The following EYS variants were observed in gnomAD, a reference collection of about 807,000 sequenced individuals.
The protein encoded by EYS is protein eyes shut homolog.
In EYS, 250 loss-of-function variants were observed where a neutral mutation model predicts 282.1. That is an observed-to-expected ratio of 0.89 (90% confidence interval 0.80 to 0.98). EYS has a LOEUF of 0.98. EYS is among the 50% of genes least tolerant of loss of function. The probability of loss-of-function intolerance (pLI) is 0.00; values close to 1 mark genes in which losing one functional copy is unlikely to be tolerated. For synonymous variants in EYS, 1,355 were observed against 1,282.9 expected (o/e 1.06, Z -1.20); for missense variants, 4,016 against 3,709.0 (o/e 1.08, Z -2.15).
chr6:65,217,489 T>C (rs1766345785), intron 12 of EYS, among the ~76,000 whole-genome samples: 1 of 152,044 alleles, frequency 6.6e-6, no homozygotes, highest in Non-Finnish European at 1.5e-5. Flanking sequence ...TAAATATTTG[T>C]CAAACACTCT....
chr6:64,499,203 G>A (rs914415031), intron 26 of EYS, among the ~76,000 whole-genome samples: 2 of 152,100 alleles, frequency 1.3e-5, no homozygotes, highest in Non-Finnish European at 2.9e-5. Flanking sequence ...AATAAGCATA[G>A]AAGATAAGGA....
chr6:63,827,866 A>AAAAAAAT (rs1554175916), intron 36 of EYS, among the ~76,000 whole-genome samples: 131 of 148,498 alleles, frequency 8.8e-4, no homozygotes, highest in African/African-American at 2.9e-3. Flanking sequence ...AAAAAAAAAA[A>AAAAAAAT]AAAAAGAAAT....
intron 18 of EYS, among the ~76,000 whole-genome samples, chr6:64,889,109 A>C (rs1767193653): frequency 6.6e-6 from 1 of 152,006 alleles, no homozygotes; most frequent in South Asian, 2.1e-4. Flanking sequence ...GATTTATGAT[A>C]ATCACCACCA....
intron 36 of EYS, among the ~76,000 whole-genome samples, chr6:63,829,131 A>T (rs1306827354): frequency 6.6e-6 from 1 of 152,198 alleles, no homozygotes; most frequent in Non-Finnish European, 1.5e-5. Flanking sequence ...GCCAAATAGG[A>T]ACAGCTCCAG....
At chr6:63,915,095 G>C (rs749663599) in intron 35 of EYS, among the ~76,000 whole-genome samples, 1 of 152,118 alleles carries the variant, frequency 6.6e-6, no homozygotes, top group Non-Finnish European at 1.5e-5. Context: ...TTGAAAGAAG[G>C]TGCCATCTAG....
chr6:64,809,056 T>A (rs1764517296), intron 22 of EYS, among the ~76,000 whole-genome samples: 1 of 152,090 alleles, frequency 6.6e-6, no homozygotes, highest in Non-Finnish European at 1.5e-5. Flanking sequence ...TGCCCAGACA[T>A]TTAATGGTGC....
At chr6:64,646,834 C>T (rs1477219988) in intron 22 of EYS, among the ~76,000 whole-genome samples, 1 of 151,282 alleles carries the variant, frequency 6.6e-6, no homozygotes, top group African/African-American at 2.4e-5. Flanking sequence ...GAAAATTCTT[C>T]ATAAATGTTG....
At chr6:65,001,472 G>A (rs1771465848) in intron 13 of EYS, among the ~76,000 whole-genome samples, 1 of 147,740 alleles carries the variant, frequency 6.8e-6, no homozygotes, top group African/African-American at 2.4e-5. Context: ...TGGTCTGCCT[G>A]TCTTACCTCT....
rs570338427 is a variant in EYS at position 65,618,238 on chromosome 6, C to T, written c.-333+21540G>A. ...TGTTGTTTCCTGAATTTTTAATGAT[C>T]GCCATTCTAACTGGTGTGAGATGGT... On this transcript the variant is annotated intron_variant, in intron 2 of 42. Transcript: ENST00000503581. Among the ~76,000 whole-genome samples, 65 of 152,302 alleles carry T rather than the reference C, an allele frequency of 4.3e-4. 1 individual carries two copies. Among genetic ancestry groups the T allele is most frequent in the African/African-American group, 1.1e-3 (47 of 41,566 alleles).
chr6:64,220,764 A>G (rs549448237), intron 31 of EYS, among the ~76,000 whole-genome samples: 1 of 152,278 alleles, frequency 6.6e-6, no homozygotes, highest in South Asian at 2.1e-4. Context: ...TATTCATATA[A>G]TAAGTTTGAA....
intron 35 of EYS, among the ~76,000 whole-genome samples, chr6:63,926,370 T>C (rs1018616900): frequency 2.6e-5 from 4 of 152,208 alleles, no homozygotes; most frequent in Non-Finnish European, 5.9e-5. Flanking sequence ...GCATTGTTAT[T>C]TTCTGTGTAG....
intron 36 of EYS, among the ~76,000 whole-genome samples, chr6:63,833,237 A>C (rs61122265): frequency 1.2e-3 from 185 of 152,278 alleles, no homozygotes; most frequent in African/African-American, 4.2e-3. Context: ...CAAGAGAAAG[A>C]AATGAAGTGT....
At chr6:65,445,847 A>G (rs934141860) in intron 5 of EYS, among the ~76,000 whole-genome samples, 2 of 151,788 alleles carry the variant, frequency 1.3e-5, no homozygotes, top group Non-Finnish European at 3.0e-5. Context: ...TATGTACTGA[A>G]TGTTTAAATT....
At chr6:65,042,417 T>A (rs1201052675) in intron 13 of EYS, among the ~76,000 whole-genome samples, 1 of 151,610 alleles carries the variant, frequency 6.6e-6, no homozygotes, top group East Asian at 1.9e-4. Context: ...TGGCCTATTG[T>A]TTTTTGTTGT....
At chr6:64,635,526 G>A (rs1212670118) in intron 22 of EYS, among the ~76,000 whole-genome samples, 1 of 152,136 alleles carries the variant, frequency 6.6e-6, no homozygotes, top group Non-Finnish European at 1.5e-5. Flanking sequence ...AGAGTTTTTA[G>A]CATGAAGTAG....
At chr6:65,062,315 C>G (rs1457853603) in intron 12 of EYS, among the ~76,000 whole-genome samples, 5 of 151,946 alleles carry the variant, frequency 3.3e-5, no homozygotes, top group African/African-American at 1.2e-4. Context: ...TTGTTCCTCA[C>G]CCTCCCTGAA....
intron 12 of EYS, among the ~76,000 whole-genome samples, chr6:65,228,356 TATA>T (rs1351841326): frequency 2.6e-5 from 4 of 152,096 alleles, no homozygotes; most frequent in African/African-American, 9.6e-5. Context: ...TCCACATGGT[TATA>T]ATATTTCAGT....
intron 2 of EYS, among the ~76,000 whole-genome samples, chr6:65,569,924 A>G (rs1764420434): frequency 6.6e-6 from 1 of 152,086 alleles, no homozygotes; most frequent in African/African-American, 2.4e-5. Context: ...TATCTTGATA[A>G]ATCAGCTCAA....
intron 22 of EYS, among the ~76,000 whole-genome samples, chr6:64,789,515 A>G (rs982054050): frequency 6.6e-6 from 1 of 152,150 alleles, no homozygotes; most frequent in African/African-American, 2.4e-5. Flanking sequence ...ATTGTCCACT[A>G]AAATAATGTC....
Sources: allele counts gnomAD v4.1 joint callset (sites outside exome capture counted in the v4.1 genomes callset), GRCh38; gene constraint gnomAD v4.1.1; transcripts MANE v1.5; gene names NCBI Gene and HGNC (gene_info 2026-07-23, HGNC 2026-07-21).